BPI: variants seen among roughly 807,000 people sequenced by gnomAD.
The protein encoded by BPI is bactericidal permeability increasing protein, also known as bactericidal permeability-increasing protein.
In BPI, 48 loss-of-function variants were observed where a neutral mutation model predicts 57.6. That is an observed-to-expected ratio of 0.83 (90% CI 0.66 to 1.06). BPI has a LOEUF of 1.06. BPI is among the 50% of genes least tolerant of loss of function. BPI has a pLI of 0.00. For missense variants in BPI, 651 were observed against 609.7 expected, an observed-to-expected ratio of 1.07 and a Z score of -0.71; for synonymous variants, 237 against 238.2, an observed-to-expected ratio of 0.99 and a Z score of 0.05.
chr20:38,316,172 C>A (rs1402053916), intron 5 of BPI, among the ~76,000 whole-genome samples: 3 of 152,044 alleles, frequency 2.0e-5, no homozygotes, highest in Admixed American at 6.5e-5. Context: ...CCATCCCTTT[C>A]TCCTTTTCTC....
At chr20:38,331,943 A>G (rs1471925910) in intron 12 of BPI, among the ~76,000 whole-genome samples, 1 of 151,958 alleles carries the variant, frequency 6.6e-6, no homozygotes, top group Admixed American at 6.6e-5. Context: ...GAGAATGAAG[A>G]GTCAGAAGAT....
intron 8 of BPI, 102 bp from the exon 9 acceptor site, chr20:38,324,672 G>C: frequency 1.0e-6 from 1 of 957,398 alleles, no homozygotes; most frequent in Admixed American, 1.7e-5. Flanking sequence ...GCTGGCCACT[G>C]TCTGTGTGTG....
intron 4 of BPI, among the ~76,000 whole-genome samples, chr20:38,311,582 G>A (rs1025450012): frequency 6.6e-6 from 1 of 152,218 alleles, no homozygotes; most frequent in African/African-American, 2.4e-5. Context: ...GGACACACAG[G>A]AGAGAGGACA....
chr20:38,324,806 C>T lies in BPI; in HGVS notation c.966C>T (p.Thr322=). 4 of 1,613,490 alleles carry T rather than the reference C, an allele frequency of 2.5e-6. No homozygotes were observed. The South Asian group carries it at 3.3e-5, about 13-fold the overall frequency. The change falls in exon 9 of 15, where the codon ACC becomes ACT. Residue 322 remains threonine, a synonymous_variant. Coordinates refer to ENST00000642449, the MANE Select transcript of BPI (RefSeq NM_001725.3). ...IPKESKFRLT[T]KFFGTFLPEV... Reference sequence around the variant, plus strand: ...AGGAGTCCAAATTTCGACTGACAACCAAGTTCTTTGGAACCTTCCTACCTG... The same window carrying T: ...AGGAGTCCAAATTTCGACTGACAACTAAGTTCTTTGGAACCTTCCTACCTG...
In BPI at chr20:38,318,452, C is replaced by CA; in HGVS notation, c.642dup (p.Pro215ThrfsTer31). 6.2e-7 allele frequency: 1 copy of CA among 1,613,888 alleles called. No homozygotes were observed. The highest frequency in any genetic ancestry group is 8.5e-7 in the Non-Finnish European group (1 of 1,179,754). On this transcript the variant is annotated frameshift_variant, in exon 6 of 15. Transcript: ENST00000642449. LOFTEE classifies it high-confidence loss of function. ...GACCAATTCTGTATCCTCCGAGCTG[C>CA]AACCTTATTTCCAGACTCTGCCAGG...
In BPI at chr20:38,324,311, T is replaced by A. The variant is rs5743516; in HGVS notation, c.933+265T>A. Reference sequence around the variant, plus strand: ...TCCAAAGGGTGTCATGAGGATTCAATGAGATAGTAATGCCTGATTAAATGA... The same window carrying A: ...TCCAAAGGGTGTCATGAGGATTCAAAGAGATAGTAATGCCTGATTAAATGA... On this transcript the variant is annotated intron_variant, in intron 8 of 14. Coordinates refer to ENST00000642449, the MANE Select transcript of BPI (RefSeq NM_001725.3). Among the ~76,000 whole-genome samples the A allele has an allele frequency of 2.8e-3, 433 of 152,284 alleles. 3 individuals are homozygous for A. Among genetic ancestry groups the A allele is most frequent in the African/African-American group, 9.8e-3 (409 of 41,546 alleles).
intron 5 of BPI, among the ~76,000 whole-genome samples, chr20:38,312,960 G>C (rs1056805854): frequency 8.5e-5 from 13 of 152,196 alleles, no homozygotes; most frequent in Non-Finnish European, 1.8e-4. Flanking sequence ...CAATGAGCAG[G>C]ACATTCCCCA....
chr20:38,337,160 C>T lies in BPI; in HGVS notation c.1428C>T (p.Phe476=), dbSNP rs145842777. 162 of 1,595,912 alleles carry T rather than the reference C, an allele frequency of 1.0e-4. No individual in the cohort carries two copies. The highest frequency in any genetic ancestry group is 1.7e-4 in the Middle Eastern group (1 of 6,058). Residue 476 remains phenylalanine (F), a synonymous_variant, in exon 15 of 15, where the codon TTC becomes TTT. Coordinates refer to ENST00000642449, the MANE Select transcript of BPI (RefSeq NM_001725.3). Reference sequence around the variant, plus strand: ...TCTCTCCCTAGAACTTCCTGCTGTTCGGTGCAGACGTTGTCTATAAATGAA... The same window carrying T: ...TCTCTCCCTAGAACTTCCTGCTGTTTGGTGCAGACGTTGTCTATAAATGAA... ...VLQPHQNFLL[F]GADVVYK
At chr20:38,326,998 A>G (rs1382995356) in intron 10 of BPI, among the ~76,000 whole-genome samples, 2 of 151,946 alleles carry the variant, frequency 1.3e-5, no homozygotes, top group Non-Finnish European at 2.9e-5. Context: ...TTAATCCTTC[A>G]TTTGCCTCAG....
chr20:38,321,745 A>G (rs2076686809), intron 7 of BPI: 1 of 152,208 alleles, frequency 6.6e-6, no homozygotes, highest in South Asian at 2.1e-4. Context: ...AGAGAGAGAG[A>G]GAATTACCCG....
At chr20:38,329,395 C>A (rs1164733000) in intron 11 of BPI, among the ~76,000 whole-genome samples, 1 of 152,188 alleles carries the variant, frequency 6.6e-6, no homozygotes, top group African/African-American at 2.4e-5. Flanking sequence ...TTGAGACGAG[C>A]CCCAGAGGTT....
In BPI at chr20:38,313,391, A is replaced by T. The variant is rs1366893537; in HGVS notation, c.600+1454A>T. Among the ~76,000 whole-genome samples the T allele has an allele frequency of 1.0e-3, 42 of 40,684 alleles. 1 individual carries two copies. Among genetic ancestry groups the T allele is most frequent in the East Asian group, 4.5e-3 (14 of 3,142 alleles). The allele number at this position is 40,684 out of a possible 152,430, so 26.7% of individuals were successfully genotyped here. ...AGAGTGAAACCCTGTCTCAAAAAAA[A>T]AAAAAAAAAAAAAAAAAAAAAAGGG... On this transcript the variant is annotated intron_variant, in intron 5 of 14. Coordinates refer to ENST00000642449, the MANE Select transcript of BPI (RefSeq NM_001725.3).
chr20:38,330,941 G>A, intron 11 of BPI, 107 bp from the exon 12 acceptor site: 1 of 1,344,020 alleles, frequency 7.4e-7, no homozygotes, highest in East Asian at 2.3e-5. Flanking sequence ...ATACTGGGTG[G>A]GAAAACCAGA....
intron 1 of BPI, among the ~76,000 whole-genome samples, chr20:38,305,218 C>A (rs988050208): frequency 9.2e-5 from 14 of 152,300 alleles, no homozygotes; most frequent in African/African-American, 3.4e-4. Context: ...CCCAGCCCAG[C>A]AGGACATCAC....
chr20:38,310,691 AAAG>A (rs2076617888), intron 4 of BPI, 39 bp downstream of exon 4: 1 of 1,590,942 alleles, frequency 6.3e-7, no homozygotes, highest in Non-Finnish European at 8.6e-7. Flanking sequence ...GGAGGGACTT[AAAG>A]AAGAACTCTC....
intron 1 of BPI, 34 bp downstream of exon 1, chr20:38,304,387 C>G (rs765950540): frequency 6.2e-7 from 1 of 1,606,592 alleles, no homozygotes; most frequent in African/African-American, 1.3e-5. Flanking sequence ...CCTCTCCACC[C>G]CTGAGGAGCA....
chr20:38,327,721 G>A, intron 11 of BPI, 66 bp downstream of exon 11: 2 of 1,555,466 alleles, frequency 1.3e-6, no homozygotes, highest in Non-Finnish European at 1.8e-6. Context: ...GGATGACAGT[G>A]GTCCTGTGAT....
At chr20:38,318,178 A>G (rs1479614727) in intron 5 of BPI, among the ~76,000 whole-genome samples, 2 of 152,180 alleles carry the variant, frequency 1.3e-5, no homozygotes, top group Non-Finnish European at 2.9e-5. Context: ...TCCACACACC[A>G]GGGCAGGAAA....
chr20:38,314,139 G>GGATGA, intron 5 of BPI, among the ~76,000 whole-genome samples: 1 of 64,178 alleles, frequency 1.6e-5, no homozygotes, highest in Non-Finnish European at 3.8e-5. Context: ...GATGATGATG[G>GGATGA]TGGTGGTGAG....
Sources: gnomAD v4.1 joint callset for allele counts (sites outside exome capture counted in the v4.1 genomes callset) on GRCh38, gnomAD v4.1.1 for gene constraint, MANE v1.5 for transcripts, NCBI Gene and HGNC (gene_info 2026-07-23, HGNC 2026-07-21) for gene names.